The following DRC8 variants were observed in gnomAD, a reference collection of about 807,000 sequenced individuals.
DRC8 encodes dynein regulatory complex protein 8.
At chr1:245,053,108 C>T in the DRC8 span, among the ~76,000 whole-genome samples, 2 of 152,112 alleles carry the variant, frequency 1.3e-5, no homozygotes, top group Non-Finnish European at 1.5e-5. Context: ...TTATATTGTA[C>T]AGTAAGTCTT....
At chr1:245,047,030 GA>G in the DRC8 span, among the ~76,000 whole-genome samples, 1 of 152,330 alleles carries the variant, frequency 6.6e-6, no homozygotes, top group African/African-American at 2.4e-5. Flanking sequence ...GAGTCCATCT[GA>G]AAAGCCATCT....
At chr1:245,020,222 T>C in the DRC8 span, among the ~76,000 whole-genome samples, 1 of 152,178 alleles carries the variant, frequency 6.6e-6, no homozygotes, top group Non-Finnish European at 1.5e-5. Flanking sequence ...TTTGCACAAA[T>C]TGAAATATTT....
chr1:245,080,141 C>T, the DRC8 span, among the ~76,000 whole-genome samples: 14 of 152,094 alleles, frequency 9.2e-5, no homozygotes, highest in Admixed American at 1.3e-4. Context: ...TATAGTTTTT[C>T]GTTTGTTTGT....
the DRC8 span, among the ~76,000 whole-genome samples, chr1:245,084,070 C>A: frequency 1.1e-4 from 13 of 119,092 alleles, no homozygotes; most frequent in African/African-American, 1.9e-4. Context: ...CCGCCCCCCC[C>A]CCGGCGCCCC....
At chr1:245,011,541 G>A in the DRC8 span, among the ~76,000 whole-genome samples, 3 of 152,210 alleles carry the variant, frequency 2.0e-5, no homozygotes, top group African/African-American at 4.8e-5. Flanking sequence ...TACAGGTTGA[G>A]TGACCCTTAT....
chr1:245,059,766 A>T, the DRC8 span, among the ~76,000 whole-genome samples: 1 of 152,238 alleles, frequency 6.6e-6, no homozygotes, highest in Non-Finnish European at 1.5e-5. Flanking sequence ...CCGTATGCAG[A>T]AAGGCTATTG....
At chr1:244,980,946 G>GC in the DRC8 span, among the ~76,000 whole-genome samples, 2 of 152,192 alleles carry the variant, frequency 1.3e-5, no homozygotes, top group African/African-American at 4.8e-5. Flanking sequence ...ACCTTGGGAG[G>GC]CCCAGGCGGG....
chr1:245,050,048 C>G, the DRC8 span, among the ~76,000 whole-genome samples: 1 of 152,150 alleles, frequency 6.6e-6, no homozygotes, highest in Non-Finnish European at 1.5e-5. Context: ...GAAGACGAAC[C>G]TGATGGCTAG....
At chr1:244,970,659 TCTCTCCCCCGC>T in the DRC8 span, 12 of 35,362 alleles carry the variant, frequency 3.4e-4, no homozygotes, top group Admixed American at 5.5e-3. Context: ...CCGCCCCGCC[TCTCTCCCCCGC>T]CCCGCCCCGC....
the DRC8 span, among the ~76,000 whole-genome samples, chr1:245,036,178 A>G: frequency 4.2e-4 from 64 of 152,324 alleles, 1 homozygote; most frequent in East Asian, 0.012. Context: ...TAAAAAACTG[A>G]CAACAATAAA....
the DRC8 span, among the ~76,000 whole-genome samples, chr1:245,077,215 A>G: frequency 2.6e-5 from 4 of 152,144 alleles, no homozygotes. Context: ...TTATTGTCTC[A>G]CAGTTCTAAA....
the DRC8 span, among the ~76,000 whole-genome samples, chr1:245,072,039 C>T: frequency 6.6e-6 from 1 of 152,182 alleles, no homozygotes; most frequent in Non-Finnish European, 1.5e-5. Flanking sequence ...AACGAAACAT[C>T]CTCTTACCAC....
At chr1:245,068,661 T>G in the DRC8 span, among the ~76,000 whole-genome samples, 1 of 151,666 alleles carries the variant, frequency 6.6e-6, no homozygotes, top group Non-Finnish European at 1.5e-5. Context: ...AGGCTGGTCT[T>G]GAACTCCTGG....
the DRC8 span, among the ~76,000 whole-genome samples, chr1:245,109,729 C>T: frequency 6.6e-6 from 1 of 152,236 alleles, no homozygotes; most frequent in Admixed American, 6.5e-5. Context: ...GAGGTTATCT[C>T]AATGCCTCTG....
At chr1:245,105,196 A>AGGT in the DRC8 span, among the ~76,000 whole-genome samples, 1 of 152,072 alleles carries the variant, frequency 6.6e-6, no homozygotes, top group African/African-American at 2.4e-5. Context: ...TTCCTTCAGG[A>AGGT]GGTAACATAA....
At chr1:245,108,113 G>T in the DRC8 span, among the ~76,000 whole-genome samples, 1 of 151,896 alleles carries the variant, frequency 6.6e-6, no homozygotes, top group Non-Finnish European at 1.5e-5. Context: ...CTTTCCTTTA[G>T]ACGTCTCTCC....
At chr1:244,972,446 C>T in the DRC8 span, among the ~76,000 whole-genome samples, 1 of 152,196 alleles carries the variant, frequency 6.6e-6, no homozygotes, top group Non-Finnish European at 1.5e-5. Flanking sequence ...GGACAGCAGC[C>T]TGGACATCAC....
chr1:245,062,633 A>G, the DRC8 span, among the ~76,000 whole-genome samples: 1 of 152,198 alleles, frequency 6.6e-6, no homozygotes, highest in East Asian at 1.9e-4. Flanking sequence ...AGTAAGACCT[A>G]TGTTTGTCAG....
At chr1:245,014,031 C>CAAAAAAAAAAAAAAAAAAAAAA in the DRC8 span, among the ~76,000 whole-genome samples, 3 of 93,138 alleles carry the variant, frequency 3.2e-5, no homozygotes, top group African/African-American at 4.4e-5. Flanking sequence ...GACTCCATCT[C>CAAAAAAAAAAAAAAAAAAAAAA]AAAAAAAAAA....
Sources: gnomAD v4.1 joint callset for allele counts (sites outside exome capture counted in the v4.1 genomes callset) on GRCh38, gnomAD v4.1.1 for gene constraint, MANE v1.5 for transcripts, NCBI Gene and HGNC (gene_info 2026-07-23, HGNC 2026-07-21) for gene names.